PCDH11Y: variants seen among roughly 807,000 people sequenced by gnomAD.
The protein encoded by PCDH11Y is protocadherin 11 Y-linked.
For synonymous variants in PCDH11Y, 9 were observed against 83.6 expected (o/e 0.11, Z 4.87); for missense variants, 12 against 224.8 (o/e 0.05, Z 6.05).
intron 4 of PCDH11Y, among the ~76,000 whole-genome samples, chrY:5,605,613 T>C: frequency 3.0e-5 from 1 of 33,799 alleles, no homozygotes; most frequent in Non-Finnish European, 7.3e-5. Flanking sequence ...TCTATGCACA[T>C]TTTTATGTCA....
intron 2 of PCDH11Y, among the ~76,000 whole-genome samples, chrY:5,227,642 A>G (rs2052962462): frequency 3.1e-5 from 1 of 32,464 alleles, no homozygotes; most frequent in Non-Finnish European, 7.5e-5. Flanking sequence ...TTATCATGAA[A>G]GGATGTTGAA....
At chrY:5,707,248 T>C in intron 4 of PCDH11Y, among the ~76,000 whole-genome samples, 1 of 18,724 alleles carries the variant, frequency 5.3e-5, no homozygotes, top group Non-Finnish European at 1.2e-4. Context: ...GATAATTAAA[T>C]GGGGTTGGTA....
intron 2 of PCDH11Y, among the ~76,000 whole-genome samples, chrY:5,395,472 T>C (rs1602918771): frequency 4.5e-3 from 146 of 32,437 alleles, no homozygotes; most frequent in Admixed American, 0.014. Context: ...TATGCTTGTC[T>C]GGCCAAACAG....
chrY:5,083,272 C>T, intron 1 of PCDH11Y, among the ~76,000 whole-genome samples: 1 of 33,581 alleles, frequency 3.0e-5, no homozygotes. Context: ...CATCACTCCA[C>T]CGTGCTTTTC....
intron 2 of PCDH11Y, among the ~76,000 whole-genome samples, chrY:5,119,904 C>T (rs2052815709): frequency 7.9e-4 from 26 of 32,876 alleles, no homozygotes; most frequent in African/African-American, 3.1e-3. Flanking sequence ...AGGGAACATA[C>T]ATCAAATGCC....
intron 2 of PCDH11Y, among the ~76,000 whole-genome samples, chrY:5,450,931 GT>G: frequency 3.4e-5 from 1 of 29,697 alleles, no homozygotes; most frequent in South Asian, 7.6e-4. Flanking sequence ...GCAACATAAG[GT>G]TTTTTTTTTA....
intron 2 of PCDH11Y, among the ~76,000 whole-genome samples, chrY:5,112,039 C>T (rs2052803094): frequency 3.0e-5 from 1 of 33,508 alleles, no homozygotes; most frequent in Non-Finnish European, 7.4e-5. Flanking sequence ...AAACTTCAAA[C>T]TAAAGAAAGC....
intron 2 of PCDH11Y, among the ~76,000 whole-genome samples, chrY:5,145,115 G>C: frequency 9.3e-5 from 3 of 32,289 alleles, no homozygotes; most frequent in African/African-American, 3.6e-4. Flanking sequence ...CAGATTTAAG[G>C]CTCCTCCACG....
chrY:5,015,481 G>T, intron 1 of PCDH11Y, among the ~76,000 whole-genome samples: 1 of 33,264 alleles, frequency 3.0e-5, no homozygotes, highest in African/African-American at 1.2e-4. Context: ...ATCTAGGTTA[G>T]GGATAACATT....
chrY:5,062,448 A>G, intron 1 of PCDH11Y, among the ~76,000 whole-genome samples: 2 of 32,098 alleles, frequency 6.2e-5, no homozygotes, highest in African/African-American at 1.2e-4. Context: ...TCTAATGTTA[A>G]AAAGCAAAAG....
intron 2 of PCDH11Y, among the ~76,000 whole-genome samples, chrY:5,476,142 A>G: frequency 3.1e-5 from 1 of 32,137 alleles, no homozygotes; most frequent in Non-Finnish European, 7.6e-5. Context: ...TTTCTTCAGT[A>G]ATAAATGAAC....
intron 2 of PCDH11Y, among the ~76,000 whole-genome samples, chrY:5,418,586 C>T: frequency 3.0e-5 from 1 of 32,801 alleles, no homozygotes; most frequent in African/African-American, 1.2e-4. Flanking sequence ...ATCTTGCCAT[C>T]GTTGAAGACC....
intron 2 of PCDH11Y, among the ~76,000 whole-genome samples, chrY:5,305,240 T>C: frequency 3.0e-5 from 1 of 33,268 alleles, no homozygotes. Context: ...ATTATACCCA[T>C]GTAAGACAGA....
At chrY:5,205,148 T>C (rs2124650246) in intron 2 of PCDH11Y, among the ~76,000 whole-genome samples, 1 of 29,675 alleles carries the variant, frequency 3.4e-5, no homozygotes, top group African/African-American at 1.3e-4. Context: ...TTGTTGTTTA[T>C]AGTAGGGACA....
At chrY:5,289,103 T>TAATA (rs2053064189) in intron 2 of PCDH11Y, among the ~76,000 whole-genome samples, 35 of 31,770 alleles carry the variant, frequency 1.1e-3, no homozygotes, top group Admixed American at 7.8e-3. Flanking sequence ...AATAAATAAA[T>TAATA]AATAAATAAA....
In PCDH11Y at chrY:5,008,362, T is replaced by C. The variant is rs552052708; in HGVS notation, c.-134+7757T>C. On this transcript the variant is annotated intron_variant, in intron 1 of 5. Transcript: ENST00000333703. Reference sequence around the variant, plus strand: ...ATCAGTTGAGTGTGGGTTTGTATCATATCAACCGAAAGGATATTAAGCCCC... The same window carrying C: ...ATCAGTTGAGTGTGGGTTTGTATCACATCAACCGAAAGGATATTAAGCCCC... Among the ~76,000 whole-genome samples the C allele has an allele frequency of 1.5e-4, 5 of 33,255 alleles. No individual in the cohort carries two copies. In the South Asian group the frequency reaches 3.3e-3, roughly 22 times the overall value. The allele number at this position is 33,255 out of a possible 37,273, so 89.2% of individuals were successfully genotyped here.
intron 2 of PCDH11Y, among the ~76,000 whole-genome samples, chrY:5,225,841 T>C (rs2052959544): frequency 3.2e-5 from 1 of 31,633 alleles, no homozygotes; most frequent in African/African-American, 1.2e-4. Context: ...GATATCTCAT[T>C]GTAGTTTTGA....
At chrY:5,262,588 C>T in intron 2 of PCDH11Y, among the ~76,000 whole-genome samples, 18 of 26,680 alleles carry the variant, frequency 6.7e-4, no homozygotes, top group African/African-American at 2.7e-3. Context: ...GAAGAAATTT[C>T]TAAGCAGCAA....
intron 1 of PCDH11Y, among the ~76,000 whole-genome samples, chrY:5,066,888 A>G: frequency 3.2e-5 from 1 of 31,383 alleles, no homozygotes; most frequent in Non-Finnish European, 7.9e-5. Flanking sequence ...AACAATGACC[A>G]TGCTATCAAT....
Sources: allele counts gnomAD v4.1 joint callset (sites outside exome capture counted in the v4.1 genomes callset), GRCh38; gene constraint gnomAD v4.1.1; transcripts MANE v1.5; gene names NCBI Gene and HGNC (gene_info 2026-07-23, HGNC 2026-07-21).